The following COBLL1 variants were observed in gnomAD, a reference collection of about 807,000 sequenced individuals.
COBLL1 encodes cordon-bleu WH2 repeat protein like 1.
Under a neutral mutation model 94.8 loss-of-function variants are expected in COBLL1, and 50 were observed. The observed-to-expected ratio is 0.53, with a 90% confidence interval of 0.42 to 0.67. The LOEUF (loss-of-function observed/expected upper bound fraction) is 0.67. Ranked by LOEUF, COBLL1 falls within the 30% of genes least tolerant of loss-of-function variation. The probability of loss-of-function intolerance (pLI) is 0.00; values close to 1 mark genes in which losing one functional copy is unlikely to be tolerated. For synonymous variants in COBLL1, 448 were observed against 473.8 expected (o/e 0.95, Z 0.71); for missense variants, 1,362 against 1,348.7 (o/e 1.01, Z -0.15).
chr2:164,807,803 T>C (rs1345418292), intron 2 of COBLL1, among the ~76,000 whole-genome samples: 1 of 145,124 alleles, frequency 6.9e-6, no homozygotes, highest in East Asian at 1.9e-4. Context: ...TGTTTGAGCT[T>C]TATTTTATTT....
chr2:164,705,154 C>G (rs1684519464), intron 7 of COBLL1, 49 bp from the exon 8 acceptor site: 9 of 1,434,842 alleles, frequency 6.3e-6, no homozygotes, highest in Non-Finnish European at 8.3e-6. Context: ...AAATCAGTAG[C>G]AAACTTTAGG....
At chr2:164,661,107 G>A (rs1431636346) in intron 2 of COBLL1, among the ~76,000 whole-genome samples, 1 of 152,078 alleles carries the variant, frequency 6.6e-6, no homozygotes, top group Non-Finnish European at 1.5e-5. Context: ...AAGTAATGGA[G>A]TTTGGGAGGA....
intron 7 of COBLL1, among the ~76,000 whole-genome samples, chr2:164,715,254 C>T (rs1445132576): frequency 6.6e-6 from 1 of 152,110 alleles, no homozygotes. Flanking sequence ...GTACATTTCT[C>T]TACTGAATGA....
At chr2:164,691,104 C>G (rs1683568795) in intron 13 of COBLL1, among the ~76,000 whole-genome samples, 1 of 152,070 alleles carries the variant, frequency 6.6e-6, no homozygotes, top group Non-Finnish European at 1.5e-5. Context: ...CTGACAGCAC[C>G]CAGTATTCTG....
chr2:164,740,035 C>T (rs1246555211), intron 3 of COBLL1, among the ~76,000 whole-genome samples: 1 of 152,162 alleles, frequency 6.6e-6, no homozygotes, highest in Admixed American at 6.5e-5. Flanking sequence ...TATTCAGAAT[C>T]ACACAACTAC....
Position 164,743,776 on chromosome 2 carries a change from C to T in COBLL1, c.141G>A (p.Met47Ile). The T allele has an allele frequency of 6.2e-7, 1 of 1,613,246 alleles. No individual in the cohort carries two copies. Among genetic ancestry groups the T allele is most frequent in the Non-Finnish European group, 8.5e-7 (1 of 1,179,586 alleles). Residue 47 changes from methionine to isoleucine, a missense_variant, in exon 3 of 14, where the codon ATG becomes ATA. Transcript: ENST00000652658. ...ADSVESTAFI[M>I]EQKENMIDKD... ...TATCTATCATGTTTTCTTTCTGTTC[C>T]ATGATGAAAGCAGTGGATTCTACAG...
chr2:164,737,452 G>A (rs1297991700), intron 3 of COBLL1, among the ~76,000 whole-genome samples: 1 of 152,084 alleles, frequency 6.6e-6, no homozygotes, highest in African/African-American at 2.4e-5. Flanking sequence ...AACTCAAGTA[G>A]TACTGTTATG....
intron 1 of COBLL1, among the ~76,000 whole-genome samples, chr2:164,669,759 T>C (rs959071230): frequency 7.2e-5 from 11 of 152,242 alleles, no homozygotes; most frequent in East Asian, 1.9e-4. Flanking sequence ...CTGTGAAAAT[T>C]TGCATGTGGC....
At chr2:164,790,832 C>T (rs1683153073) in intron 2 of COBLL1, among the ~76,000 whole-genome samples, 1 of 152,170 alleles carries the variant, frequency 6.6e-6, no homozygotes, top group Non-Finnish European at 1.5e-5. Context: ...CCATTGATCG[C>T]TGATGGGAAA....
At chr2:164,829,080 T>C (rs1682927937) in intron 2 of COBLL1, among the ~76,000 whole-genome samples, 1 of 152,176 alleles carries the variant, frequency 6.6e-6, no homozygotes, top group Non-Finnish European at 1.5e-5. Context: ...AAATAACGAA[T>C]AAATAACATG....
At chr2:164,669,558 C>T (rs1408871201) in intron 1 of COBLL1, among the ~76,000 whole-genome samples, 2 of 152,184 alleles carry the variant, frequency 1.3e-5, no homozygotes, top group South Asian at 2.1e-4. Context: ...GCTGCCCAAC[C>T]ACTTCTAGCT....
chr2:164,749,030 G>C (rs1687003574), intron 2 of COBLL1, among the ~76,000 whole-genome samples: 1 of 151,722 alleles, frequency 6.6e-6, no homozygotes. Flanking sequence ...TTGATTTACA[G>C]GGCACTCCAA....
intron 1 of COBLL1, among the ~76,000 whole-genome samples, chr2:164,668,750 T>C (rs1448950505): frequency 6.6e-6 from 1 of 152,242 alleles, no homozygotes; most frequent in Non-Finnish European, 1.5e-5. Flanking sequence ...ATTATAATTA[T>C]TTGAAGGAGC....
chr2:164,794,791 C>T (rs538096804), intron 2 of COBLL1, among the ~76,000 whole-genome samples: 196 of 152,284 alleles, frequency 1.3e-3, no homozygotes, highest in Admixed American at 2.4e-3. Context: ...GACACAGACC[C>T]TCTTGCCCCA....
At chr2:164,809,950 C>T (rs1313136378) in intron 2 of COBLL1, among the ~76,000 whole-genome samples, 2 of 151,592 alleles carry the variant, frequency 1.3e-5, no homozygotes, top group South Asian at 2.1e-4. Context: ...AAATAAATGC[C>T]AAAAGAGCTC....
chr2:164,664,737 C>G (rs772549321), intron 2 of COBLL1, among the ~76,000 whole-genome samples: 65 of 152,132 alleles, frequency 4.3e-4, no homozygotes, highest in Non-Finnish European at 7.5e-4. Context: ...AAATTAAAAG[C>G]ATTTTCTCTA....
Position 164,695,651 on chromosome 2 carries a change from G to C in COBLL1, c.1741C>G (p.Leu581Val), listed in dbSNP as rs1413478745. ...TGATCTGGTACTGATGAAGCTGCTAGATGGTTTTCCTTGTAACTTATAGCA... is the reference window on the plus strand; with the variant it reads ...TGATCTGGTACTGATGAAGCTGCTACATGGTTTTCCTTGTAACTTATAGCA... ...DTAISYKENH[L>V]AASSVPDQKL... Residue 581 changes from leucine to valine, a missense_variant, in exon 12 of 14, where the codon CTA (leucine) becomes GTA (valine). Transcript: ENST00000652658. 6.2e-7 allele frequency: 1 copy of C among 1,613,856 alleles called. No individual in the cohort carries two copies. Among genetic ancestry groups the C allele is most frequent in the Non-Finnish European group, 8.5e-7 (1 of 1,179,860 alleles).
intron 2 of COBLL1, among the ~76,000 whole-genome samples, chr2:164,813,447 T>G (rs528683891): frequency 7.3e-4 from 111 of 152,222 alleles, no homozygotes; most frequent in African/African-American, 2.6e-3. Context: ...GCTAAACAGA[T>G]AGAAACAGCA....
At chr2:164,814,847 C>A (rs898518250) in intron 2 of COBLL1, among the ~76,000 whole-genome samples, 2 of 152,174 alleles carry the variant, frequency 1.3e-5, no homozygotes, top group African/African-American at 4.8e-5. Context: ...TTCCTCCACC[C>A]TCCAAGTTCT....
Sources: gnomAD v4.1 joint callset for allele counts (sites outside exome capture counted in the v4.1 genomes callset) on GRCh38, gnomAD v4.1.1 for gene constraint, MANE v1.5 for transcripts, NCBI Gene and HGNC (gene_info 2026-07-23, HGNC 2026-07-21) for gene names.